Variants in PPTC7 observed in about 807,000 individuals in gnomAD.
PPTC7 encodes protein phosphatase targeting COQ7.
A neutral mutation model predicts 30.8 loss-of-function variants in PPTC7; 6 were observed. The ratio of observed to expected loss-of-function variants is 0.19; its 90% CI spans 0.11 to 0.38. PPTC7 has a LOEUF of 0.38. Among genes scored for constraint, PPTC7 ranks in the 10% least tolerant of loss-of-function variants. PPTC7 has a pLI of 1.00. For synonymous variants in PPTC7, 163 were observed against 168.1 expected, an observed-to-expected ratio of 0.97 and a Z score of 0.23; for missense variants, 218 against 404.8, an observed-to-expected ratio of 0.54 and a Z score of 3.96.
chr12:110,577,299 TA>T (rs938104994), intron 1 of PPTC7, among the ~76,000 whole-genome samples: 40 of 143,240 alleles, frequency 2.8e-4, no homozygotes, highest in Admixed American at 3.5e-4. Context: ...AAAGTAAAAT[TA>T]AAAAAAAAAA....
chr12:110,546,067 C>A lies in PPTC7; in HGVS notation c.415G>T (p.Ala139Ser). The A allele has an allele frequency of 6.2e-7, 1 of 1,613,446 alleles. No individual in the cohort carries two copies. The highest frequency in any genetic ancestry group is 8.5e-7 in the Non-Finnish European group (1 of 1,179,594). ...NKVPLLGSST[A>S]CIVVLDRTSH... ...GTTCTGTCCAGCACCACAATGCAGG[C>A]GGTGCTGCTACCTAGAAACAAAAAT... is the stretch of plus-strand genomic sequence containing the variant. Residue 139 changes from alanine to serine, a missense_variant, in exon 3 of 6, where the codon GCC (alanine) becomes TCC (serine). Ala to Ser is a moderately conservative substitution (Grantham distance 99, BLOSUM62 1). Transcript: ENST00000354300.
At chr12:110,549,995 C>G (rs912761126) in intron 2 of PPTC7, among the ~76,000 whole-genome samples, 4 of 152,072 alleles carry the variant, frequency 2.6e-5, no homozygotes, top group Non-Finnish European at 5.9e-5. Context: ...TTCACTATGC[C>G]AGACAAGCTC....
At chr12:110,546,250 C>A in intron 2 of PPTC7, 172 bp from the exon 3 acceptor site, 1 of 610,942 alleles carries the variant, frequency 1.6e-6, no homozygotes, top group Admixed American at 2.8e-5. Context: ...AAATCCTGAT[C>A]AGGGTTAACA....
chr12:110,577,799 G>C (rs2064601985), intron 1 of PPTC7, among the ~76,000 whole-genome samples: 1 of 152,150 alleles, frequency 6.6e-6, no homozygotes, highest in South Asian at 2.1e-4. Flanking sequence ...ATATGGCACA[G>C]ACCAGGCTGC....
intron 1 of PPTC7, among the ~76,000 whole-genome samples, chr12:110,558,179 C>G (rs749514832): frequency 2.0e-3 from 304 of 152,276 alleles, no homozygotes; most frequent in Non-Finnish European, 3.2e-3. Flanking sequence ...GTATGTCAAA[C>G]TTCAGGTGCC....
chr12:110,567,711 ATTTG>A (rs2064496394), intron 1 of PPTC7, among the ~76,000 whole-genome samples: 1 of 152,060 alleles, frequency 6.6e-6, no homozygotes, highest in Admixed American at 6.6e-5. Flanking sequence ...CTCTGTATCG[ATTTG>A]TTTTTTACAA....
intron 1 of PPTC7, among the ~76,000 whole-genome samples, chr12:110,565,885 T>C (rs978222328): frequency 3.3e-5 from 5 of 152,196 alleles, no homozygotes; most frequent in African/African-American, 9.6e-5. Context: ...GGTCAGATTA[T>C]GCATAGCTGA....
chr12:110,556,109 A>G (rs2064385064), intron 1 of PPTC7, among the ~76,000 whole-genome samples: 1 of 152,234 alleles, frequency 6.6e-6, no homozygotes, highest in African/African-American at 2.4e-5. Context: ...CCTCGCACTC[A>G]CTAAATAATC....
intron 1 of PPTC7, 135 bp from the exon 2 acceptor site, chr12:110,552,103 G>A (rs2064353542): frequency 1.5e-6 from 1 of 685,212 alleles, no homozygotes; most frequent in Admixed American, 3.0e-5. Flanking sequence ...AGAATAAAAA[G>A]CACTCACGTT....
intron 1 of PPTC7, among the ~76,000 whole-genome samples, chr12:110,580,565 C>G (rs1014801202): frequency 2.0e-5 from 3 of 152,142 alleles, no homozygotes; most frequent in African/African-American, 7.2e-5. Flanking sequence ...GTCTCGAACT[C>G]CTAACCTCAG....
chr12:110,572,889 A>G (rs986552513), intron 1 of PPTC7, among the ~76,000 whole-genome samples: 1 of 144,052 alleles, frequency 6.9e-6, no homozygotes, highest in African/African-American at 2.6e-5. Flanking sequence ...TTATTTATTT[A>G]TTTATTTTTG....
rs147450441 is a variant in PPTC7 at position 110,577,340 on chromosome 12, G to C, written c.223+5469C>G. Reference sequence around the variant, plus strand: ...AAAAAATTATGGTAATATAATGAGAGTGGTGTCCTGACATGGCTTGAAATC... The same window carrying C: ...AAAAAATTATGGTAATATAATGAGACTGGTGTCCTGACATGGCTTGAAATC... On this transcript the variant is annotated intron_variant, in intron 1 of 5. Transcript: ENST00000354300. Among the ~76,000 whole-genome samples, 1,035 of 151,568 alleles carry C rather than the reference G, an allele frequency of 6.8e-3. 1 individual carries two copies. Among genetic ancestry groups the C allele is most frequent in the Non-Finnish European group, 9.4e-3 (635 of 67,856 alleles).
In PPTC7 at chr12:110,569,422, TAAC is replaced by T. The variant is rs755228187; in HGVS notation, c.223+13384_223+13386del. Among the ~76,000 whole-genome samples, 17 of 152,284 alleles carry T rather than the reference TAAC, an allele frequency of 1.1e-4. No individual in the cohort carries two copies. In the Middle Eastern group the frequency reaches 0.017, roughly 152 times the overall value. On this transcript the variant is annotated intron_variant, in intron 1 of 5. Coordinates refer to ENST00000354300, the MANE Select transcript of PPTC7 (RefSeq NM_139283.2). Reference sequence around the variant, plus strand: ...AGAGCATTAAAGAAAAGTCTGGAGATAACACTGCTCCCAACTTTCTTTGCCACT... The same window carrying T: ...AGAGCATTAAAGAAAAGTCTGGAGATACTGCTCCCAACTTTCTTTGCCACT...
At chr12:110,576,436 G>A (rs1362128739) in intron 1 of PPTC7, among the ~76,000 whole-genome samples, 1 of 152,148 alleles carries the variant, frequency 6.6e-6, no homozygotes, top group African/African-American at 2.4e-5. Context: ...AATGTGCACA[G>A]CACTATTCAC....
intron 1 of PPTC7, among the ~76,000 whole-genome samples, chr12:110,560,688 GAATA>G (rs1328609977): frequency 2.0e-5 from 3 of 152,148 alleles, no homozygotes; most frequent in African/African-American, 2.4e-5. Flanking sequence ...GATGCCTAGA[GAATA>G]AATACTAAAC....
chr12:110,554,148 C>T (rs797011689), intron 1 of PPTC7, among the ~76,000 whole-genome samples: 2 of 152,178 alleles, frequency 1.3e-5, no homozygotes, highest in Non-Finnish European at 2.9e-5. Flanking sequence ...CCACTGCATC[C>T]GGCCAAATTT....
At chr12:110,550,087 G>C (rs2064338583) in intron 2 of PPTC7, among the ~76,000 whole-genome samples, 1 of 152,110 alleles carries the variant, frequency 6.6e-6, no homozygotes, top group Non-Finnish European at 1.5e-5. Context: ...TCAGTTTGAA[G>C]GAAAACAAGT....
At chr12:110,566,215 T>C (rs1280846918) in intron 1 of PPTC7, among the ~76,000 whole-genome samples, 2 of 152,314 alleles carry the variant, frequency 1.3e-5, no homozygotes, top group East Asian at 3.9e-4. Flanking sequence ...ACAAGGCTTG[T>C]TAAGTTTTTG....
At chr12:110,547,623 AG>A (rs1174780176) in intron 2 of PPTC7, among the ~76,000 whole-genome samples, 1 of 152,208 alleles carries the variant, frequency 6.6e-6, no homozygotes, top group East Asian at 1.9e-4. Context: ...AAAAGAGTAA[AG>A]TTTACTAGAA....
Sources: allele counts gnomAD v4.1 joint callset (sites outside exome capture counted in the v4.1 genomes callset), GRCh38; gene constraint gnomAD v4.1.1; transcripts MANE v1.5; gene names NCBI Gene and HGNC (gene_info 2026-07-23, HGNC 2026-07-21).